EFCAB6: variants seen among roughly 807,000 people sequenced by gnomAD.
EFCAB6 encodes the protein EF-hand calcium-binding domain-containing protein 6.
Under a neutral mutation model 169.8 loss-of-function variants are expected in EFCAB6, and 156 were observed. The ratio of observed to expected loss-of-function variants is 0.92; its 90% CI spans 0.81 to 1.05. The LOEUF (loss-of-function observed/expected upper bound fraction) is 1.05, where lower values mean the gene tolerates loss of function less well. EFCAB6 is among the 50% of genes least tolerant of loss of function. The pLI, the probability that EFCAB6 is intolerant of heterozygous loss-of-function variation, is 0.00. For missense variants in EFCAB6, 1,800 were observed against 1,829.1 expected (o/e 0.98, Z 0.29); for synonymous variants, 698 against 676.4 (o/e 1.03, Z -0.50).
chr22:43,654,483 G>A (rs73887373), intron 17 of EFCAB6, among the ~76,000 whole-genome samples: 18,111 of 152,258 alleles, frequency 0.12, 1,130 homozygotes, highest in South Asian at 0.17. Flanking sequence ...CCCTTGACAA[G>A]ATGTGATGAG....
chr22:43,559,186 CA>C (rs1455720163), intron 26 of EFCAB6, among the ~76,000 whole-genome samples: 1 of 152,126 alleles, frequency 6.6e-6, no homozygotes. Flanking sequence ...ACAACCCCAT[CA>C]AAAAGTGGGC....
At chr22:43,629,087 A>G (rs562739692) in intron 19 of EFCAB6, among the ~76,000 whole-genome samples, 20 of 152,336 alleles carry the variant, frequency 1.3e-4, no homozygotes, top group Middle Eastern at 6.8e-3. Context: ...ACAGGAAGCA[A>G]ATCATGGCAA....
intron 27 of EFCAB6, among the ~76,000 whole-genome samples, chr22:43,542,088 T>C (rs1288500218): frequency 1.3e-5 from 2 of 152,206 alleles, no homozygotes; most frequent in Non-Finnish European, 2.9e-5. Context: ...CCGGTAGGCT[T>C]GCACCCTCCT....
chr22:43,698,819 G>A (rs537011777), intron 10 of EFCAB6, among the ~76,000 whole-genome samples: 1 of 152,276 alleles, frequency 6.6e-6, no homozygotes, highest in South Asian at 2.1e-4. Flanking sequence ...ATGGGAAGTG[G>A]AGGAAGGGCA....
At chr22:43,673,681 G>A in intron 13 of EFCAB6, among the ~76,000 whole-genome samples, 1 of 152,148 alleles carries the variant, frequency 6.6e-6, no homozygotes, top group East Asian at 1.9e-4. Context: ...TCGGGAGGCT[G>A]TCGCAGGAGA....
intron 19 of EFCAB6, among the ~76,000 whole-genome samples, chr22:43,631,329 C>T (rs2054926380): frequency 6.6e-6 from 1 of 151,984 alleles, no homozygotes; most frequent in African/African-American, 2.4e-5. Context: ...CTCAGATCAT[C>T]TTGTACTGGC....
intron 17 of EFCAB6, among the ~76,000 whole-genome samples, chr22:43,656,271 T>C (rs2056737039): frequency 6.6e-6 from 1 of 151,966 alleles, no homozygotes; most frequent in African/African-American, 2.4e-5. Context: ...ATGCCTGTAA[T>C]CCCAGCTACT....
intron 25 of EFCAB6, among the ~76,000 whole-genome samples, chr22:43,579,786 G>T (rs2050594573): frequency 6.8e-6 from 1 of 147,752 alleles, no homozygotes; most frequent in Non-Finnish European, 1.5e-5. Flanking sequence ...TTCCCTACAG[G>T]CAAGCATCAT....
chr22:43,771,931 C>A (rs1481254197), intron 4 of EFCAB6, among the ~76,000 whole-genome samples: 1 of 152,198 alleles, frequency 6.6e-6, no homozygotes, highest in Non-Finnish European at 1.5e-5. Context: ...GCATGGCAGG[C>A]GGATGCAGGC....
rs2060510704 is a variant in EFCAB6 at position 43,744,976 on chromosome 22, C to A, written c.508-8983G>T. ...TCGCCTGCACTGGACCTGTTTAGAC[C>A]TAAATGTGACCAGAGAGCCACCAGA... On this transcript the variant is annotated intron_variant, in intron 6 of 31. Transcript: ENST00000262726. This position sits in a 1 kb window ranked among gnomAD's most constrained non-coding sequence, Gnocchi z 4.3. Among the ~76,000 whole-genome samples the A allele has an allele frequency of 6.6e-6, 1 of 152,290 alleles. No homozygotes were observed. Among genetic ancestry groups the A allele is most frequent in the South Asian group, 2.1e-4 (1 of 4,826 alleles).
chr22:43,617,278 C>A (rs904667026), intron 20 of EFCAB6, among the ~76,000 whole-genome samples: 1 of 152,222 alleles, frequency 6.6e-6, no homozygotes, highest in Non-Finnish European at 1.5e-5. Context: ...CTTTTAGACT[C>A]CTCCTAAATT....
intron 20 of EFCAB6, among the ~76,000 whole-genome samples, chr22:43,624,006 A>C (rs962614036): frequency 7.2e-5 from 11 of 152,106 alleles, no homozygotes; most frequent in African/African-American, 1.9e-4. Context: ...CTGTCCAGGC[A>C]GAGGAGGTGG....
chr22:43,536,524 T>C (rs537974133), intron 29 of EFCAB6: 34 of 152,318 alleles, frequency 2.2e-4, no homozygotes, highest in African/African-American at 8.2e-4. Context: ...TGTATTTTCC[T>C]GTAATGTAAA....
At chr22:43,546,050 A>G (rs868758883) in intron 27 of EFCAB6, among the ~76,000 whole-genome samples, 2 of 152,362 alleles carry the variant, frequency 1.3e-5, no homozygotes, top group African/African-American at 4.8e-5. Context: ...TAACAAGATT[A>G]TATGTGAAAT....
Position 43,668,956 on chromosome 22 carries a change from A to C in EFCAB6, c.1730T>G (p.Val577Gly). 1 of 1,613,574 alleles carries C rather than the reference A, an allele frequency of 6.2e-7. No individual in the cohort carries two copies. Residue 577 changes from valine (V) to glycine (G), a missense_variant, in exon 16 of 32, where the codon GTC becomes GGC. Val to Gly is a moderately radical substitution (Grantham distance 109, BLOSUM62 -3). Coordinates refer to ENST00000262726, the MANE Select transcript of EFCAB6 (RefSeq NM_022785.4). ...ACIGIDGPPT[V>G]SPVLVPKDQL... ...ATCCTTTGGAACAAGAACTGGAGAG[A>C]CAGTGGGTGGGCCATCAATTCCTAT...
intron 17 of EFCAB6, among the ~76,000 whole-genome samples, chr22:43,663,389 G>A (rs2057098101): frequency 6.6e-6 from 1 of 152,054 alleles, no homozygotes; most frequent in Non-Finnish European, 1.5e-5. Context: ...GATTTCACCA[G>A]TAGTAGAAAA....
chr22:43,616,786 G>A (rs1390408727), intron 20 of EFCAB6, among the ~76,000 whole-genome samples: 1 of 152,226 alleles, frequency 6.6e-6, no homozygotes, highest in African/African-American at 2.4e-5. Context: ...GGCTGAGGCT[G>A]GAGGGGCTGG....
At position 43,626,626 on chromosome 22, in the gene EFCAB6, G is replaced by T; in HGVS notation, c.2286C>A (p.Asn762Lys). The change falls in exon 20 of 32, where the codon AAC becomes AAA. Residue 762 changes from asparagine to lysine, a missense_variant. Asn to Lys is a moderately conservative substitution (Grantham distance 94). Transcript: ENST00000262726. ...GGAGCAGTCTGTGAAGGTCATGCAT[G>T]TTGATTATGCCATCCCTGTCAGCAT... ...KTDADRDGII[N>K]MHDLHRLLLH... 1.2e-6 allele frequency: 2 copies of T among 1,614,208 alleles called. No homozygotes were observed. The highest frequency in any genetic ancestry group is 8.5e-7 in the Non-Finnish European group (1 of 1,180,044).
chr22:43,582,483 G>T (rs1263301640), intron 24 of EFCAB6, among the ~76,000 whole-genome samples: 1 of 152,162 alleles, frequency 6.6e-6, no homozygotes, highest in African/African-American at 2.4e-5. Context: ...ATCAATGTGT[G>T]TGAAGAAGAA....
Sources: gnomAD v4.1 joint callset for allele counts (sites outside exome capture counted in the v4.1 genomes callset) on GRCh38, gnomAD v4.1.1 for gene constraint, Gnocchi (gnomAD v3.1) non-coding constraint, MANE v1.5 for transcripts, NCBI Gene and HGNC (gene_info 2026-07-23, HGNC 2026-07-21) for gene names.